DTWD1: variants seen among roughly 807,000 people sequenced by gnomAD.
DTWD1 encodes the protein DTW motif tRNA-uridine aminocarboxypropyltransferase 1, also known as tRNA-uridine aminocarboxypropyltransferase 1.
Under a neutral mutation model 30.2 loss-of-function variants are expected in DTWD1, and 27 were observed. That is an observed-to-expected ratio of 0.90 (90% confidence interval 0.66 to 1.23). The LOEUF is 1.23. DTWD1 is among the 50% of genes most tolerant of loss of function. DTWD1 has a pLI of 0.00. For missense variants in DTWD1, 342 were observed against 348.8 expected, an observed-to-expected ratio of 0.98 and a Z score of 0.15; for synonymous variants, 99 against 113.1, an observed-to-expected ratio of 0.88 and a Z score of 0.79.
rs2079146619 is a variant in DTWD1 at position 49,650,468 on chromosome 15, A to G, written c.*6890A>G. The stretch of plus-strand genomic sequence containing the variant: ...TCATGGGCGAGTGGTACAGAATGAC[A>G]AGATCCTGCATGTATTTTTAAGGTA... On this transcript the variant is annotated 3_prime_UTR_variant, in exon 5 of 5. Coordinates refer to ENST00000403028, the MANE Select transcript of DTWD1 (RefSeq NM_001144955.2). 1.3e-5 allele frequency: 2 copies of G among 152,168 alleles called. No homozygotes were observed. Among genetic ancestry groups the G allele is most frequent in the Admixed American group, 6.5e-5 (1 of 15,274 alleles). 9.4% of individuals were successfully genotyped at this position (152,168 alleles called of 1,614,324 possible). A position where few individuals can be genotyped will look rare whatever the true frequency, so the allele number is the denominator to read the frequency against.
Position 49,632,146 on chromosome 15 carries a change from T to G in DTWD1, c.265-13T>G. 6.4e-7 allele frequency: 1 copy of G among 1,552,082 alleles called. No homozygotes were observed. The highest frequency in any genetic ancestry group is 8.6e-7 in the Non-Finnish European group (1 of 1,158,846). On this transcript the variant is annotated splice_polypyrimidine_tract_variant and intron_variant, in intron 2 of 4. Coordinates refer to ENST00000403028, the MANE Select transcript of DTWD1 (RefSeq NM_001144955.2). ...TTTATATATTTTTTTATTTGTGCTT[T>G]TTTTACCTTTAGCTTCCATTGAAGA...
rs1294802983 is a variant in DTWD1, at chr15:49,634,642, A to G, written c.515A>G (p.Asp172Gly). ...NNVRGKNDDP[D>G]KPSFKRKRTE... is the part of the protein sequence containing the mutation. Reference sequence around the variant, plus strand: ...GTTAGAGGCAAAAATGATGACCCTGACAAGCCATCTTTTAAACGCAAAAGA... The same window carrying G: ...GTTAGAGGCAAAAATGATGACCCTGGCAAGCCATCTTTTAAACGCAAAAGA... The change falls in exon 4 of 5, where the codon GAC becomes GGC. Residue 172 changes from aspartate (D) to glycine (G), a missense_variant. Asp to Gly is a moderately conservative substitution (Grantham distance 94). Transcript: ENST00000403028. 6.2e-7 allele frequency: 1 copy of G among 1,613,794 alleles called. No homozygotes were observed. Among genetic ancestry groups the G allele is most frequent in the South Asian group, 1.1e-5 (1 of 91,074 alleles).
At chr15:49,639,131 C>T (rs1056036366) in intron 4 of DTWD1, among the ~76,000 whole-genome samples, 1 of 152,148 alleles carries the variant, frequency 6.6e-6, no homozygotes, top group Non-Finnish European at 1.5e-5. Flanking sequence ...CCTATACTAC[C>T]TTATTCAATC....
At chr15:49,637,571 A>T (rs2079017968) in intron 4 of DTWD1, among the ~76,000 whole-genome samples, 1 of 152,218 alleles carries the variant, frequency 6.6e-6, no homozygotes, top group Non-Finnish European at 1.5e-5. Flanking sequence ...CATATTTAAC[A>T]TTATAAGGAT....
At chr15:49,635,931 A>G (rs961174093) in intron 4 of DTWD1, among the ~76,000 whole-genome samples, 7 of 152,292 alleles carry the variant, frequency 4.6e-5, no homozygotes, top group African/African-American at 1.7e-4. Flanking sequence ...GAACCTGTCC[A>G]TCCCCTGCCA....
chr15:49,639,558 C>T (rs2079041630), intron 4 of DTWD1, among the ~76,000 whole-genome samples: 1 of 151,984 alleles, frequency 6.6e-6, no homozygotes, highest in Non-Finnish European at 1.5e-5. Context: ...CAAAATCCCA[C>T]CTCAAGAAAA....
Position 49,651,459 on chromosome 15 carries a change from A to T in DTWD1, c.*7881A>T, listed in dbSNP as rs2079151751. ...CTAGCACAGTGGGCACATGAATGGA[A>T]TGTCCACTGTGGAAAGGATGAAGAC... On this transcript the variant is annotated 3_prime_UTR_variant, in exon 5 of 5. Transcript: ENST00000403028. 6.6e-6 allele frequency: 1 copy of T among 152,166 alleles called. No homozygotes were observed. The highest frequency in any genetic ancestry group is 2.4e-5 in the African/African-American group (1 of 41,458). The allele number at this position is 152,166 out of a possible 1,614,324, so 9.4% of individuals were successfully genotyped here.
Position 49,649,980 on chromosome 15 carries a change from A to G in DTWD1, c.*6402A>G, listed in dbSNP as rs1200582698. 6.6e-6 allele frequency: 1 copy of G among 151,234 alleles called. No homozygotes were observed. The highest frequency in any genetic ancestry group is 1.5e-5 in the Non-Finnish European group (1 of 68,044). The allele number at this position is 151,234 out of a possible 1,614,324, so 9.4% of individuals were successfully genotyped here. On this transcript the variant is annotated 3_prime_UTR_variant, in exon 5 of 5. Coordinates refer to ENST00000403028, the MANE Select transcript of DTWD1 (RefSeq NM_001144955.2). ...GCATGGTCAGATGGAAAAGCCTGTGATAAGGTAAAATTGAGCAGAGACCTA... is the reference window on the plus strand; with the variant it reads ...GCATGGTCAGATGGAAAAGCCTGTGGTAAGGTAAAATTGAGCAGAGACCTA...
At chr15:49,624,303 G>A (rs2078809571) in intron 1 of DTWD1, among the ~76,000 whole-genome samples, 1 of 152,162 alleles carries the variant, frequency 6.6e-6, no homozygotes. Context: ...TTTTACAGCT[G>A]TGGAATGCAT....
intron 4 of DTWD1, among the ~76,000 whole-genome samples, chr15:49,635,727 C>T (rs1161102565): frequency 1.3e-5 from 2 of 152,154 alleles, no homozygotes; most frequent in Non-Finnish European, 2.9e-5. Flanking sequence ...CTCCTGACCT[C>T]AGGTGATCTG....
intron 4 of DTWD1, among the ~76,000 whole-genome samples, chr15:49,637,476 A>G (rs1054351715): frequency 6.6e-6 from 1 of 152,204 alleles, no homozygotes; most frequent in African/African-American, 2.4e-5. Context: ...TAAATTCATT[A>G]CTTTTGGGAT....
chr15:49,634,895 T>C, intron 4 of DTWD1, 101 bp downstream of exon 4: 1 of 1,126,034 alleles, frequency 8.9e-7, no homozygotes, highest in Non-Finnish European at 1.2e-6. Flanking sequence ...ACTGAATACC[T>C]ATACATTTTG....
At position 49,632,260 on chromosome 15, in the gene DTWD1, C is replaced by G; in HGVS notation, c.366C>G (p.Tyr122Ter). 4 of 1,596,460 alleles carry G rather than the reference C, an allele frequency of 2.5e-6. No individual in the cohort carries two copies. The highest frequency in any genetic ancestry group is 3.4e-6 in the Non-Finnish European group (4 of 1,175,994). Reference sequence around the variant, plus strand: ...TAGCACCTGAATTTGTAAACATTTACACGTATCCGTGTATTCCAGAATATG... The same window carrying G: ...TAGCACCTGAATTTGTAAACATTTAGACGTATCCGTGTATTCCAGAATATG... ...KLLAPEFVNI[Y>*]TYPCIPEYEE... is the part of the protein sequence containing the mutation. Residue 122 changes from tyrosine (Y) to a stop codon, truncating the protein, a stop_gained, in exon 3 of 5, where the codon TAC becomes TAG. Transcript: ENST00000403028. LOFTEE classifies it high-confidence loss of function.
intron 4 of DTWD1, among the ~76,000 whole-genome samples, chr15:49,639,131 C>G (rs1056036366): frequency 2.0e-5 from 3 of 152,148 alleles, no homozygotes; most frequent in South Asian, 4.1e-4. Context: ...CCTATACTAC[C>G]TTATTCAATC....
At chr15:49,634,842 TG>T (rs1368771881) in intron 4 of DTWD1, 48 bp downstream of exon 4, 3 of 1,499,138 alleles carry the variant, frequency 2.0e-6, no homozygotes, top group Non-Finnish European at 1.8e-6. Flanking sequence ...AGACTTATTT[TG>T]AAAAAACTTC....
chr15:49,634,111 T>C (rs2078968659), intron 3 of DTWD1, among the ~76,000 whole-genome samples: 1 of 152,194 alleles, frequency 6.6e-6, no homozygotes, highest in Non-Finnish European at 1.5e-5. Flanking sequence ...CAGACCACCA[T>C]TTCCTCACCA....
In DTWD1 at chr15:49,648,972, C is replaced by T. The variant is rs1347872942; in HGVS notation, c.*5394C>T. On this transcript the variant is annotated 3_prime_UTR_variant, in exon 5 of 5. Transcript: ENST00000403028. ...AAAAAACTTAAGATTAAGGGCCAAT[C>T]TAAGAGGTCCTTCATTTGAATAATA... 6.6e-6 allele frequency: 1 copy of T among 152,094 alleles called. No individual in the cohort carries two copies. Among genetic ancestry groups the T allele is most frequent in the African/African-American group, 2.4e-5 (1 of 41,398 alleles). 9.4% of individuals were successfully genotyped at this position (152,094 alleles called of 1,614,324 possible).
intron 3 of DTWD1, among the ~76,000 whole-genome samples, chr15:49,633,211 G>A (rs1437533759): frequency 6.6e-6 from 1 of 151,696 alleles, no homozygotes; most frequent in Non-Finnish European, 1.5e-5. Flanking sequence ...TGTTCTGTAA[G>A]GAGATGTGAT....
chr15:49,626,466 C>T lies in DTWD1; in HGVS notation c.264+1035C>T, dbSNP rs986299811. On this transcript the variant is annotated intron_variant, in intron 2 of 4. Coordinates refer to ENST00000403028, the MANE Select transcript of DTWD1 (RefSeq NM_001144955.2). ...CACTACTTTTGTATAGGTAAAAGGT[C>T]TGTAGAACGTCATGTCTACATAATC... Among the ~76,000 whole-genome samples the T allele has an allele frequency of 5.9e-5, 9 of 152,100 alleles. 1 individual carries two copies. Among genetic ancestry groups the T allele is most frequent in the African/African-American group, 2.2e-4 (9 of 41,426 alleles).
Sources: gnomAD v4.1 joint callset for allele counts (sites outside exome capture counted in the v4.1 genomes callset) on GRCh38, gnomAD v4.1.1 for gene constraint, MANE v1.5 for transcripts, NCBI Gene and HGNC (gene_info 2026-07-23, HGNC 2026-07-21) for gene names.